The following PAK5 variants were observed in gnomAD, a reference collection of about 807,000 sequenced individuals.
PAK5 encodes the protein serine/threonine-protein kinase PAK 5.
Under a neutral mutation model 65.9 loss-of-function variants are expected in PAK5, and 16 were observed. The ratio of observed to expected loss-of-function variants is 0.24; its 90% CI spans 0.16 to 0.37. PAK5 has a LOEUF of 0.37. Ranked by LOEUF, PAK5 falls within the 10% of genes least tolerant of loss-of-function variation. The pLI is 1.00. For missense variants in PAK5, 785 were observed against 903.9 expected (o/e 0.87, Z 1.69); for synonymous variants, 371 against 354.9 (o/e 1.05, Z -0.51).
intron 1 of PAK5, among the ~76,000 whole-genome samples, chr20:9,818,128 C>A (rs2049379169): frequency 6.6e-6 from 1 of 152,204 alleles, no homozygotes; most frequent in Non-Finnish European, 1.5e-5. Flanking sequence ...AAATACCCTG[C>A]TAAGTCAGTT....
intron 1 of PAK5, among the ~76,000 whole-genome samples, chr20:9,752,360 GA>G: frequency 6.6e-6 from 1 of 152,146 alleles, no homozygotes; most frequent in South Asian, 2.1e-4. Flanking sequence ...CTAAGAGCAA[GA>G]GGAAAAAACT....
At chr20:9,593,427 C>T (rs1447549814) in intron 3 of PAK5, among the ~76,000 whole-genome samples, 2 of 152,166 alleles carry the variant, frequency 1.3e-5, no homozygotes, top group East Asian at 1.9e-4. Context: ...ACCTGCAAGT[C>T]TATGGTGCTT....
In PAK5 at chr20:9,662,531, C is replaced by T. The variant is rs142730084; in HGVS notation, c.-11-18192G>A. Reference sequence around the variant, plus strand: ...ATGTGCACAGAAGTGAAATAATTCACTTCCAGATTAGGGATTTTATGTAGG... The same window carrying T: ...ATGTGCACAGAAGTGAAATAATTCATTTCCAGATTAGGGATTTTATGTAGG... On this transcript the variant is annotated intron_variant, in intron 2 of 9. Coordinates refer to ENST00000353224, the MANE Select transcript of PAK5 (RefSeq NM_177990.4). Among the ~76,000 whole-genome samples, 337 of 152,222 alleles carry T rather than the reference C, an allele frequency of 2.2e-3. 2 individuals carry two copies. Among genetic ancestry groups the T allele is most frequent in the African/African-American group, 7.7e-3 (321 of 41,526 alleles).
chr20:9,760,424 T>C (rs2048685293), intron 1 of PAK5, among the ~76,000 whole-genome samples: 2 of 152,244 alleles, frequency 1.3e-5, no homozygotes, highest in Admixed American at 1.3e-4. Flanking sequence ...AACTGTCTGA[T>C]ACAAATCTTC....
At chr20:9,641,925 G>C (rs2047072510) in intron 3 of PAK5, among the ~76,000 whole-genome samples, 1 of 152,192 alleles carries the variant, frequency 6.6e-6, no homozygotes, top group Admixed American at 6.5e-5. Flanking sequence ...AACTCCAGCT[G>C]GCCCGCAAGC....
chr20:9,553,251 G>C (rs936702153), intron 7 of PAK5, among the ~76,000 whole-genome samples: 12 of 152,142 alleles, frequency 7.9e-5, no homozygotes, highest in Non-Finnish European at 1.8e-4. Context: ...TTGCCAACTA[G>C]TCAGCTAACC....
rs182653759 is a variant in PAK5, at chr20:9,611,969, C to T, written c.205-31039G>A. ...CATAAATTCTTTGTGCAGGAACTAC[C>T]ACTGTGATGTCTCTTCTAGGGAGCC... On this transcript the variant is annotated intron_variant, in intron 3 of 9. Coordinates refer to ENST00000353224, the MANE Select transcript of PAK5 (RefSeq NM_177990.4). Among the ~76,000 whole-genome samples the T allele has an allele frequency of 1.2e-3, 178 of 152,248 alleles. 1 individual carries two copies. Among genetic ancestry groups the T allele is most frequent in the African/African-American group, 3.6e-3 (151 of 41,550 alleles).
intron 2 of PAK5, among the ~76,000 whole-genome samples, chr20:9,696,150 T>C (rs760706089): frequency 8.5e-5 from 13 of 152,074 alleles, no homozygotes; most frequent in Non-Finnish European, 1.8e-4. Flanking sequence ...TGACCTCCTT[T>C]ATAAATATTA....
chr20:9,542,844 A>G (rs1300684877), intron 8 of PAK5, 124 bp from the exon 9 acceptor site: 1 of 834,354 alleles, frequency 1.2e-6, no homozygotes, highest in Non-Finnish European at 1.9e-6. Flanking sequence ...AACATTTACA[A>G]TATAGATTTA....
rs143126686 is a variant in PAK5, at chr20:9,827,430, T to C, written c.-162+11332A>G. Among the ~76,000 whole-genome samples the C allele has an allele frequency of 4.7e-3, 714 of 152,284 alleles. 9 individuals carry two copies. The highest frequency in any genetic ancestry group is 2.8e-3 in the Non-Finnish European group (193 of 68,020). Reference sequence around the variant, plus strand: ...AGCCTGGGTAATATCCATTCATCCATAGACATTTATTAAAGACCTGACATG... The same window carrying C: ...AGCCTGGGTAATATCCATTCATCCACAGACATTTATTAAAGACCTGACATG... On this transcript the variant is annotated intron_variant, in intron 1 of 9. Transcript: ENST00000353224.
intron 1 of PAK5, among the ~76,000 whole-genome samples, chr20:9,749,645 C>T (rs1472381536): frequency 6.6e-6 from 1 of 152,030 alleles, no homozygotes; most frequent in Non-Finnish European, 1.5e-5. Context: ...TATTTCCTGC[C>T]TTTTATAATA....
chr20:9,596,550 G>A (rs893102811), intron 3 of PAK5, among the ~76,000 whole-genome samples: 7 of 150,522 alleles, frequency 4.7e-5, no homozygotes, highest in African/African-American at 1.5e-4. Flanking sequence ...ACAGGAGAAT[G>A]GTGTGAACCC....
intron 1 of PAK5, among the ~76,000 whole-genome samples, chr20:9,799,973 A>G (rs1488908725): frequency 1.3e-5 from 2 of 151,164 alleles, no homozygotes; most frequent in African/African-American, 4.8e-5. Context: ...AAAATGAAAG[A>G]AAGAAAAAGA....
In PAK5 at chr20:9,798,865, G is replaced by T. The variant is rs113106762; in HGVS notation, c.-162+39897C>A. 1.2e-3 allele frequency among the ~76,000 whole-genome samples: 183 copies of T among 152,138 alleles called. No individual in the cohort carries two copies. The Middle Eastern group carries it at 0.014, about 11-fold the overall frequency. On this transcript the variant is annotated intron_variant, in intron 1 of 9. Transcript: ENST00000353224. ...ACTTACTAAAAATGGTAATTCTTGGGCCCCACCCCAGATCTACTAATATCA... is the reference window on the plus strand; with the variant it reads ...ACTTACTAAAAATGGTAATTCTTGGTCCCCACCCCAGATCTACTAATATCA...
intron 2 of PAK5, among the ~76,000 whole-genome samples, chr20:9,693,469 C>T (rs1300737692): frequency 6.7e-6 from 1 of 149,224 alleles, no homozygotes; most frequent in Non-Finnish European, 1.5e-5. Flanking sequence ...CTTTCTCTCC[C>T]TCTCTCTCTC....
intron 1 of PAK5, among the ~76,000 whole-genome samples, chr20:9,751,777 T>G (rs1315768083): frequency 6.6e-6 from 1 of 152,144 alleles, no homozygotes; most frequent in Non-Finnish European, 1.5e-5. Flanking sequence ...GATGTGTAAC[T>G]GGGTATGTTG....
intron 2 of PAK5, among the ~76,000 whole-genome samples, chr20:9,666,620 A>G (rs986501459): frequency 6.6e-6 from 1 of 152,120 alleles, no homozygotes; most frequent in Non-Finnish European, 1.5e-5. Context: ...TCTGGCTACA[A>G]TGTCTCCCCA....
chr20:9,652,940 G>T (rs1290491082), intron 2 of PAK5, among the ~76,000 whole-genome samples: 2 of 152,044 alleles, frequency 1.3e-5, no homozygotes, highest in Non-Finnish European at 2.9e-5. Flanking sequence ...TTCTGATTCT[G>T]CCCTGATTCT....
intron 9 of PAK5, among the ~76,000 whole-genome samples, chr20:9,541,229 T>C (rs754459273): frequency 3.9e-5 from 6 of 152,220 alleles, no homozygotes; most frequent in Non-Finnish European, 8.8e-5. Flanking sequence ...ACACTCTCTT[T>C]TATTGTCATA....
Sources: allele counts gnomAD v4.1 joint callset (sites outside exome capture counted in the v4.1 genomes callset), GRCh38; gene constraint gnomAD v4.1.1; transcripts MANE v1.5; gene names NCBI Gene and HGNC (gene_info 2026-07-23, HGNC 2026-07-21).